Variants in UBE2F observed in about 807,000 individuals in gnomAD.
UBE2F encodes ubiquitin conjugating enzyme E2 F (putative), also known as NEDD8-conjugating enzyme UBE2F.
A neutral mutation model predicts 29.6 loss-of-function variants in UBE2F; 5 were observed. The observed-to-expected ratio is 0.17, with a 90% confidence interval of 0.09 to 0.36. UBE2F has a LOEUF of 0.36. UBE2F is among the 10% of genes least tolerant of loss of function. UBE2F has a pLI of 1.00. For synonymous variants in UBE2F, 66 were observed against 81.8 expected, an observed-to-expected ratio of 0.81 and a Z score of 1.04; for missense variants, 141 against 228.5, an observed-to-expected ratio of 0.62 and a Z score of 2.47.
intron 4 of UBE2F, among the ~76,000 whole-genome samples, chr2:238,015,581 A>C (rs2064133689): frequency 6.6e-6 from 1 of 151,038 alleles, no homozygotes; most frequent in East Asian, 1.9e-4. Context: ...CTCAACTCTT[A>C]AGGAATGGAA....
chr2:238,010,629 C>T (rs2064002034), intron 4 of UBE2F, among the ~76,000 whole-genome samples: 1 of 152,170 alleles, frequency 6.6e-6, no homozygotes, highest in Admixed American at 6.5e-5. Context: ...TCTTCCAGCC[C>T]CTCAAAGTGG....
intron 2 of UBE2F, 114 bp downstream of exon 2, chr2:237,973,339 G>T (rs930188895): frequency 7.5e-6 from 9 of 1,206,452 alleles, no homozygotes; most frequent in African/African-American, 3.1e-5. Context: ...CTGTTTAAAA[G>T]ATTTTAAAAT....
intron 4 of UBE2F, among the ~76,000 whole-genome samples, chr2:237,995,545 ATAGGGTGT>A (rs2063673803): frequency 6.6e-6 from 1 of 152,182 alleles, no homozygotes; most frequent in Admixed American, 6.5e-5. Flanking sequence ...TGGTGGAAAT[ATAGGGTGT>A]TATTTTATTT....
Position 237,994,793 on chromosome 2 carries a change from G to C in UBE2F, c.198G>C (p.Gln66His), listed in dbSNP as rs778980743. ...ATCCAAACAAGCTTCATTGTTTTCA[G>C]CTAACAGTAACCCCAGGTAATATTC... is the stretch of plus-strand genomic sequence containing the variant. ...FPDPNKLHCF[Q>H]LTVTPDEGYY... The change falls in exon 4 of 10, where the codon CAG (glutamine) becomes CAC (histidine). Residue 66 changes from glutamine to histidine, a missense_variant. Coordinates refer to ENST00000272930, the MANE Select transcript of UBE2F (RefSeq NM_080678.3). The C allele has an allele frequency of 6.2e-7, 1 of 1,614,014 alleles. No individual in the cohort carries two copies. Among genetic ancestry groups the C allele is most frequent in the Non-Finnish European group, 8.5e-7 (1 of 1,179,894 alleles).
At chr2:237,975,227 G>A (rs2063256825) in intron 2 of UBE2F, among the ~76,000 whole-genome samples, 1 of 151,872 alleles carries the variant, frequency 6.6e-6, no homozygotes, top group Non-Finnish European at 1.5e-5. Flanking sequence ...TCAGCCTCCT[G>A]AGTAGTTGGG....
At chr2:237,997,860 G>GA (rs2063721342) in intron 4 of UBE2F, among the ~76,000 whole-genome samples, 1 of 152,042 alleles carries the variant, frequency 6.6e-6, no homozygotes, top group African/African-American at 2.4e-5. Flanking sequence ...ACCGAATTTA[G>GA]AAAAAAAGCG....
At chr2:238,018,610 G>T (rs1447849035) in intron 5 of UBE2F, among the ~76,000 whole-genome samples, 1 of 152,136 alleles carries the variant, frequency 6.6e-6, no homozygotes, top group African/African-American at 2.4e-5. Flanking sequence ...CTGTTCCCCA[G>T]CCTGGAGTGC....
rs370059898 is a variant in UBE2F, at chr2:238,027,500, G to A, written c.353+2088G>A. The stretch of plus-strand genomic sequence containing the variant: ...GGTAGATACTTGGTGGCTGGGGGAG[G>A]AGTGTGTGACAGAGAGCGAGCAGGC... On this transcript the variant is annotated intron_variant, in intron 6 of 9. Transcript: ENST00000272930. Among the ~76,000 whole-genome samples, 80 of 152,296 alleles carry A rather than the reference G, an allele frequency of 5.3e-4. 1 individual carries two copies. The East Asian group carries it at 0.012, about 23-fold the overall frequency.
At chr2:238,003,222 A>C in intron 4 of UBE2F, 1 of 331,952 alleles carries the variant, frequency 3.0e-6, no homozygotes, top group South Asian at 2.4e-5. Flanking sequence ...TTTTCTTTCA[A>C]ATAATCTTAA....
intron 2 of UBE2F, chr2:237,973,628 A>G: frequency 7.8e-7 from 1 of 1,278,570 alleles, no homozygotes; most frequent in Non-Finnish European, 1.0e-6. Flanking sequence ...ATCTCTTAGG[A>G]TCTTTTCCTG....
At chr2:237,980,653 T>C (rs2063360752) in intron 2 of UBE2F, among the ~76,000 whole-genome samples, 1 of 152,158 alleles carries the variant, frequency 6.6e-6, no homozygotes, top group Non-Finnish European at 1.5e-5. Flanking sequence ...AGTTCCCAGC[T>C]ATGTGAAAAG....
chr2:238,033,106 G>T (rs75819085), intron 8 of UBE2F, among the ~76,000 whole-genome samples: 4,029 of 152,292 alleles, frequency 0.026, 172 homozygotes, highest in African/African-American at 0.093. Context: ...CACCTCCCAG[G>T]TGTTCTGGTT....
At chr2:238,024,532 C>T (rs1198365677) in intron 5 of UBE2F, among the ~76,000 whole-genome samples, 1 of 152,000 alleles carries the variant, frequency 6.6e-6, no homozygotes, top group Non-Finnish European at 1.5e-5. Context: ...CCTGGAGAGA[C>T]AGGGTCTTAC....
intron 8 of UBE2F, among the ~76,000 whole-genome samples, chr2:238,033,649 C>A (rs928950874): frequency 3.3e-5 from 5 of 152,148 alleles, no homozygotes; most frequent in African/African-American, 1.2e-4. Context: ...AAACTGAGTC[C>A]CTGCCCACCT....
chr2:238,023,192 A>G (rs370182333), intron 5 of UBE2F, among the ~76,000 whole-genome samples: 6 of 152,354 alleles, frequency 3.9e-5, no homozygotes, highest in African/African-American at 1.2e-4. Flanking sequence ...CCAGTGACCC[A>G]GAAGGGGGCA....
At chr2:238,000,877 A>G (rs2063778162) in intron 4 of UBE2F, among the ~76,000 whole-genome samples, 1 of 152,204 alleles carries the variant, frequency 6.6e-6, no homozygotes, top group Non-Finnish European at 1.5e-5. Flanking sequence ...TATAACTTTA[A>G]CTTGCATTTC....
At chr2:237,978,672 G>A (rs1316586566) in intron 2 of UBE2F, among the ~76,000 whole-genome samples, 1 of 152,200 alleles carries the variant, frequency 6.6e-6, no homozygotes, top group African/African-American at 2.4e-5. Context: ...TAGCTGCATT[G>A]CCTGGAGGGT....
intron 4 of UBE2F, among the ~76,000 whole-genome samples, chr2:237,997,949 A>G (rs2063722630): frequency 1.3e-5 from 2 of 152,224 alleles, no homozygotes; most frequent in African/African-American, 2.4e-5. Context: ...ATAGCCTGAA[A>G]TATCCCGTGG....
In UBE2F at chr2:238,041,600, TTGTAC is replaced by T; in HGVS notation, c.*267_*271del. The T allele has an allele frequency of 6.9e-6, 3 of 437,494 alleles. No individual in the cohort carries two copies. Among genetic ancestry groups the T allele is most frequent in the South Asian group, 5.6e-5 (2 of 35,414 alleles). The allele number at this position is 437,494 out of a possible 1,614,324, so 27.1% of individuals were successfully genotyped here. ...CCTTAACATGTTTACTTTTTTGAAC[TTGTAC>T]TGTATAGGCTGTTGGTGAAATTCTT... On this transcript the variant is annotated 3_prime_UTR_variant, in exon 10 of 10. Transcript: ENST00000272930.
Sources: gnomAD v4.1 joint callset for allele counts (sites outside exome capture counted in the v4.1 genomes callset) on GRCh38, gnomAD v4.1.1 for gene constraint, MANE v1.5 for transcripts, NCBI Gene and HGNC (gene_info 2026-07-23, HGNC 2026-07-21) for gene names.